Variants in ADAMTSL3 observed in about 807,000 individuals in gnomAD.
ADAMTSL3 encodes ADAMTS-like protein 3.
In ADAMTSL3, 128 loss-of-function variants were observed where a neutral mutation model predicts 201.7. That is an observed-to-expected ratio of 0.63 (90% CI 0.55 to 0.73). ADAMTSL3 has a LOEUF of 0.73. Ranked by LOEUF, ADAMTSL3 falls within the 30% of genes least tolerant of loss-of-function variation. ADAMTSL3 has a pLI of 0.00. For missense variants in ADAMTSL3, 1,990 were observed against 2,119.6 expected (o/e 0.94, Z 1.20); for synonymous variants, 738 against 748.4 (o/e 0.99, Z 0.23).
intron 15 of ADAMTSL3, among the ~76,000 whole-genome samples, chr15:83,900,332 T>A (rs1177229448): frequency 5.9e-5 from 9 of 152,208 alleles, no homozygotes; most frequent in Admixed American, 3.3e-4. Flanking sequence ...GCATGTGATT[T>A]GATGGATCTG....
chr15:83,773,984 C>G (rs569140292), intron 4 of ADAMTSL3, among the ~76,000 whole-genome samples: 1 of 152,254 alleles, frequency 6.6e-6, no homozygotes, highest in South Asian at 2.1e-4. Context: ...GTTGCTGCAA[C>G]TTAGTCCAGT....
At chr15:83,781,694 A>C (rs1295106624) in intron 4 of ADAMTSL3, among the ~76,000 whole-genome samples, 7 of 152,212 alleles carry the variant, frequency 4.6e-5, no homozygotes, top group Non-Finnish European at 1.0e-4. Flanking sequence ...AAAATTTTGC[A>C]AACTATGTAT....
chr15:83,880,229 T>A (rs1046966873), intron 9 of ADAMTSL3, among the ~76,000 whole-genome samples: 7 of 152,068 alleles, frequency 4.6e-5, no homozygotes, highest in African/African-American at 1.7e-4. Flanking sequence ...TGTCCCAAGC[T>A]CTTTGTTATG....
In ADAMTSL3 at chr15:83,787,389, G is replaced by A. The variant is rs1254065521; in HGVS notation, c.317+13739G>A. Among the ~76,000 whole-genome samples, 3 of 152,100 alleles carry A rather than the reference G, an allele frequency of 2.0e-5. No homozygotes were observed. In the East Asian group the frequency reaches 5.8e-4, roughly 29 times the overall value. ...TAAATTAATAGAGAAATGAAGTAAT[G>A]TATTTCTGGGTTGATAAAAAAACTC... On this transcript the variant is annotated intron_variant, in intron 4 of 29. Transcript: ENST00000286744.
chr15:83,975,089 C>T (rs1222236311), intron 20 of ADAMTSL3, among the ~76,000 whole-genome samples: 7 of 150,414 alleles, frequency 4.7e-5, no homozygotes, highest in Non-Finnish European at 8.8e-5. Flanking sequence ...GCAAGCTCTG[C>T]CTCCCGGGTT....
chr15:83,748,571 C>A (rs1596134861), intron 3 of ADAMTSL3, among the ~76,000 whole-genome samples: 1 of 146,164 alleles, frequency 6.8e-6, no homozygotes, highest in East Asian at 2.1e-4. Flanking sequence ...AATCACTTTA[C>A]TCTGGGTGGT....
intron 20 of ADAMTSL3, among the ~76,000 whole-genome samples, chr15:83,977,994 C>A (rs911142480): frequency 4.6e-5 from 7 of 152,242 alleles, no homozygotes; most frequent in Non-Finnish European, 1.0e-4. Flanking sequence ...GATCTTTACT[C>A]CTATTGGGAG....
chr15:83,891,105 G>A, intron 11 of ADAMTSL3: 1 of 487,280 alleles, frequency 2.1e-6, no homozygotes, highest in Non-Finnish European at 3.6e-6. Context: ...TGCTAGTTTA[G>A]TTTTCTACAT....
chr15:83,996,780 C>CAAAA (rs35758954), intron 23 of ADAMTSL3, among the ~76,000 whole-genome samples: 6 of 33,852 alleles, frequency 1.8e-4, no homozygotes, highest in African/African-American at 6.4e-4. Context: ...GACTCTGCCT[C>CAAAA]AAAAAAAAAA....
chr15:83,888,820 T>C (rs2065449383), intron 10 of ADAMTSL3, among the ~76,000 whole-genome samples: 1 of 152,220 alleles, frequency 6.6e-6, no homozygotes, highest in African/African-American at 2.4e-5. Context: ...TCCGTCCTTC[T>C]GCACTCAGCT....
At chr15:83,956,646 A>G (rs1010921846) in intron 19 of ADAMTSL3, among the ~76,000 whole-genome samples, 2 of 151,776 alleles carry the variant, frequency 1.3e-5, no homozygotes, top group African/African-American at 4.8e-5. Flanking sequence ...TATCTGTTCC[A>G]TGTGTTTTAA....
intron 2 of ADAMTSL3, among the ~76,000 whole-genome samples, chr15:83,679,246 T>A (rs1470871059): frequency 1.3e-5 from 2 of 152,138 alleles, no homozygotes; most frequent in Non-Finnish European, 2.9e-5. Flanking sequence ...GTTTCAAGAG[T>A]GCTCATAATT....
rs149676759 is a variant in ADAMTSL3 at position 83,957,071 on chromosome 15, C to T, written c.2491-13413C>T. ...GAGCTACGTGAAAATTGAAGGGAAA[C>T]GTTTAAGTCTGCCTGGGTCACTGGA... On this transcript the variant is annotated intron_variant, in intron 19 of 29. Coordinates refer to ENST00000286744, the MANE Select transcript of ADAMTSL3 (RefSeq NM_207517.3). Among the ~76,000 whole-genome samples the T allele has an allele frequency of 6.6e-5, 10 of 152,246 alleles. No individual in the cohort carries two copies. The South Asian group carries it at 8.3e-4, about 13-fold the overall frequency.
intron 9 of ADAMTSL3, among the ~76,000 whole-genome samples, chr15:83,874,793 C>G (rs1310862629): frequency 1.4e-5 from 2 of 144,540 alleles, no homozygotes; most frequent in African/African-American, 5.3e-5. Flanking sequence ...TAGGGCCCAT[C>G]TGAGGATATC....
chr15:83,764,496 C>T (rs1268450774), intron 3 of ADAMTSL3, among the ~76,000 whole-genome samples: 1 of 152,058 alleles, frequency 6.6e-6, no homozygotes, highest in Non-Finnish European at 1.5e-5. Context: ...CACTGCAGGG[C>T]GACTGGAGAG....
At chr15:83,697,844 T>A (rs1052176445) in intron 2 of ADAMTSL3, among the ~76,000 whole-genome samples, 1 of 152,066 alleles carries the variant, frequency 6.6e-6, no homozygotes, top group Non-Finnish European at 1.5e-5. Context: ...TCACCAGAGG[T>A]TGGGGGTGAG....
Position 83,966,789 on chromosome 15 carries a change from A to G in ADAMTSL3, c.2491-3695A>G, listed in dbSNP as rs151318023. Among the ~76,000 whole-genome samples the G allele has an allele frequency of 1.2e-4, 18 of 152,354 alleles. No individual in the cohort carries two copies. The East Asian group carries it at 3.5e-3, about 29-fold the overall frequency. On this transcript the variant is annotated intron_variant, in intron 19 of 29. Transcript: ENST00000286744. ...TCAATGCGAAAATCTTCAATAAAATATTGGCAAACTGAATCCAGCAGCACA... is the reference window on the plus strand; with the variant it reads ...TCAATGCGAAAATCTTCAATAAAATGTTGGCAAACTGAATCCAGCAGCACA...
At chr15:83,659,051 C>T (rs2061129794) in intron 2 of ADAMTSL3, among the ~76,000 whole-genome samples, 1 of 152,142 alleles carries the variant, frequency 6.6e-6, no homozygotes, top group Non-Finnish European at 1.5e-5. Context: ...TCTGAATGGC[C>T]CTCCACCGTG....
At chr15:83,958,565 A>C (rs932425700) in intron 19 of ADAMTSL3, among the ~76,000 whole-genome samples, 2 of 152,204 alleles carry the variant, frequency 1.3e-5, no homozygotes, top group Non-Finnish European at 2.9e-5. Flanking sequence ...TTTCCCTAAA[A>C]GTACAGAAAA....
Sources: allele counts gnomAD v4.1 joint callset (sites outside exome capture counted in the v4.1 genomes callset), GRCh38; gene constraint gnomAD v4.1.1; transcripts MANE v1.5; gene names NCBI Gene and HGNC (gene_info 2026-07-23, HGNC 2026-07-21).